Variants in POT1 observed in about 807,000 individuals in gnomAD.
POT1 encodes protection of telomeres protein 1.
A neutral mutation model predicts 78.5 loss-of-function variants in POT1; 47 were observed. That is an observed-to-expected ratio of 0.60 (90% confidence interval 0.47 to 0.76). POT1 has a LOEUF of 0.76. POT1 is among the 30% of genes least tolerant of loss of function. The probability of loss-of-function intolerance (pLI) is 0.00; values close to 1 mark genes in which losing one functional copy is unlikely to be tolerated. For synonymous variants in POT1, 259 were observed against 260.7 expected, an observed-to-expected ratio of 0.99 and a Z score of 0.06; for missense variants, 646 against 749.9, an observed-to-expected ratio of 0.86 and a Z score of 1.62.
At chr7:124,919,306 T>C (rs983019228) in intron 2 of POT1, among the ~76,000 whole-genome samples, 1 of 152,156 alleles carries the variant, frequency 6.6e-6, no homozygotes, top group Non-Finnish European at 1.5e-5. Flanking sequence ...AGATGTTGTA[T>C]ATGGTGCATA....
intron 6 of POT1, among the ~76,000 whole-genome samples, chr7:124,875,595 C>A (rs1290814163): frequency 6.6e-6 from 1 of 152,080 alleles, no homozygotes; most frequent in Non-Finnish European, 1.5e-5. Flanking sequence ...AAGCTAAATG[C>A]AAAACAGCAG....
In POT1 at chr7:124,918,060, C is replaced by T. The variant is rs570658899; in HGVS notation, c.-226-2414G>A. On this transcript the variant is annotated intron_variant, in intron 2 of 18. Transcript: ENST00000357628. Reference sequence around the variant, plus strand: ...AAAGTAAATCAACTGCTAAGCCTGCCTACCATGTCTCACCCAACTGCTCTA... The same window carrying T: ...AAAGTAAATCAACTGCTAAGCCTGCTTACCATGTCTCACCCAACTGCTCTA... Among the ~76,000 whole-genome samples, 10 of 152,328 alleles carry T rather than the reference C, an allele frequency of 6.6e-5. No individual in the cohort carries two copies. The East Asian group carries it at 1.9e-3, about 29-fold the overall frequency.
intron 6 of POT1, among the ~76,000 whole-genome samples, chr7:124,871,691 C>G (rs1795872974): frequency 1.3e-5 from 2 of 150,634 alleles, no homozygotes; most frequent in Admixed American, 1.3e-4. Context: ...TAACTTCAAA[C>G]ACTGGTGGTA....
chr7:124,873,060 T>C (rs989284432), intron 6 of POT1, among the ~76,000 whole-genome samples: 1 of 152,210 alleles, frequency 6.6e-6, no homozygotes, highest in African/African-American at 2.4e-5. Context: ...GTTCCTCATA[T>C]ACTTTAGATA....
chr7:124,872,129 C>G (rs1795885240), intron 6 of POT1, among the ~76,000 whole-genome samples: 2 of 152,108 alleles, frequency 1.3e-5, no homozygotes, highest in South Asian at 4.1e-4. Context: ...AGAATGTCCT[C>G]CAGGTTCATC....
chr7:124,859,153 A>G (rs1225553217), intron 8 of POT1, 41 bp from the exon 9 acceptor site: 1 of 1,422,190 alleles, frequency 7.0e-7, no homozygotes, highest in Admixed American at 2.4e-5. Flanking sequence ...TCCTTTTGAA[A>G]AAATGCTTGT....
chr7:124,877,076 C>A lies in POT1; in HGVS notation c.125-6035G>T, dbSNP rs188159373. 2.5e-3 allele frequency among the ~76,000 whole-genome samples: 377 copies of A among 152,280 alleles called. 1 individual carries two copies. Among genetic ancestry groups the A allele is most frequent in the African/African-American group, 8.9e-3 (368 of 41,554 alleles). Reference sequence around the variant, plus strand: ...AACAGGATAAATGATCACACCAAGTCACATAATTGTGAAATTAGGGAACAC... The same window carrying A: ...AACAGGATAAATGATCACACCAAGTAACATAATTGTGAAATTAGGGAACAC... On this transcript the variant is annotated intron_variant, in intron 6 of 18. Transcript: ENST00000357628.
chr7:124,829,401 T>C (rs1794707896), intron 15 of POT1, 59 bp from the exon 16 acceptor site: 6 of 1,149,580 alleles, frequency 5.2e-6, no homozygotes, highest in Non-Finnish European at 1.3e-6. Context: ...TTGTTTGTTA[T>C]AACTTTTTAC....
intron 6 of POT1, among the ~76,000 whole-genome samples, chr7:124,891,171 T>C (rs1796362253): frequency 6.6e-6 from 1 of 151,942 alleles, no homozygotes; most frequent in East Asian, 1.9e-4. Context: ...ACTTCTGAAA[T>C]GTCTGCTTCA....
chr7:124,888,109 T>C (rs1335041959), intron 6 of POT1, among the ~76,000 whole-genome samples: 1 of 152,140 alleles, frequency 6.6e-6, no homozygotes, highest in Non-Finnish European at 1.5e-5. Context: ...TTTCAGGTCA[T>C]ACTCTTAAGT....
intron 9 of POT1, among the ~76,000 whole-genome samples, chr7:124,854,717 T>C (rs920378679): frequency 2.6e-5 from 4 of 151,734 alleles, no homozygotes; most frequent in African/African-American, 7.3e-5. Context: ...TAAAGAAAGT[T>C]AAAGAAGAAA....
intron 8 of POT1, among the ~76,000 whole-genome samples, chr7:124,860,867 C>G (rs1297991653): frequency 6.6e-6 from 1 of 151,842 alleles, no homozygotes; most frequent in African/African-American, 2.4e-5. Flanking sequence ...GTTTGGTTTT[C>G]CGTTCTTGTG....
intron 5 of POT1, chr7:124,892,663 A>T: frequency 5.5e-6 from 1 of 180,758 alleles, no homozygotes; most frequent in Non-Finnish European, 1.2e-5. Flanking sequence ...AGCAAACAGC[A>T]TATACATATA....
chr7:124,832,532 T>C (rs1340287980), intron 15 of POT1, among the ~76,000 whole-genome samples: 1 of 152,016 alleles, frequency 6.6e-6, no homozygotes, highest in African/African-American at 2.4e-5. Flanking sequence ...TCAACAGCCT[T>C]GGTTGGGCAC....
chr7:124,852,081 T>C lies in POT1; in HGVS notation c.870-130A>G, dbSNP rs561071980. On this transcript the variant is annotated intron_variant, in intron 10 of 18. Coordinates refer to ENST00000357628, the MANE Select transcript of POT1 (RefSeq NM_015450.3). ...TTTTGTATGTATATGCATTCTTCAG[T>C]AAAGGATCTATTGCTTTCATCAGAT... 2.6e-5 allele frequency: 16 copies of C among 606,624 alleles called. No individual in the cohort carries two copies. In the South Asian group the frequency reaches 3.4e-4, roughly 13 times the overall value. 37.6% of individuals were successfully genotyped at this position (606,624 alleles called of 1,614,324 possible). A position where few individuals can be genotyped will look rare whatever the true frequency, so the allele number is the denominator to read the frequency against.
rs771936721 is a variant in POT1, at chr7:124,870,915, A to G, written c.251T>C (p.Leu84Pro). 1 of 1,605,628 alleles carries G rather than the reference A, an allele frequency of 6.2e-7. No individual in the cohort carries two copies. Among genetic ancestry groups the G allele is most frequent in the Non-Finnish European group, 8.5e-7 (1 of 1,175,790 alleles). The change falls in exon 7 of 19, where the codon CTG (leucine) becomes CCG (proline). Residue 84 changes from leucine (L) to proline (P), a missense_variant. By Grantham distance (98) the Leu-to-Pro change is moderately conservative. This residue lies in a region of POT1 where 252 missense variants were observed against 341.4 expected (regional missense o/e 0.74). Coordinates refer to ENST00000357628, the MANE Select transcript of POT1 (RefSeq NM_015450.3). ...KNGDIVRFHRLKIQVYKKETQ... is the reference protein window; with the variant it reads ...KNGDIVRFHRPKIQVYKKETQ... ...TCTAGACAATATGAATTATACCTTC[A>G]GCCTGTGAAAGCGAACAATATCTCC...
rs1224547165 is a variant in POT1 at position 124,870,040 on chromosome 7, GA to G, written c.255+870del. Among the ~76,000 whole-genome samples, 6 of 152,154 alleles carry G rather than the reference GA, an allele frequency of 3.9e-5. No individual in the cohort carries two copies. In the East Asian group the frequency reaches 1.2e-3, roughly 29 times the overall value. On this transcript the variant is annotated intron_variant, in intron 7 of 18. Transcript: ENST00000357628. ...AGCAGCAGACTGACCATGAAGGACA[GA>G]ATTAAACTCAAGCATTAGAAGAAAA...
At chr7:124,824,165 A>G in intron 18 of POT1, 91 bp from the exon 19 acceptor site, 1 of 692,456 alleles carries the variant, frequency 1.4e-6, no homozygotes, top group Non-Finnish European at 2.3e-6. Flanking sequence ...CTGAGCTAGA[A>G]AAATTAACAT....
At chr7:124,900,700 A>G in intron 3 of POT1, 1 of 217,246 alleles carries the variant, frequency 4.6e-6, no homozygotes, top group South Asian at 5.1e-5. Flanking sequence ...AGGGCAGGGC[A>G]TCGCCTCACT....
Sources: gnomAD v4.1 joint callset for allele counts (sites outside exome capture counted in the v4.1 genomes callset) on GRCh38, gnomAD v4.1.1 for gene constraint, gnomAD v4.1.1 regional missense constraint, MANE v1.5 for transcripts, NCBI Gene and HGNC (gene_info 2026-07-23, HGNC 2026-07-21) for gene names.